ANO3: variants seen among roughly 807,000 people sequenced by gnomAD.
ANO3 encodes anoctamin-3.
ANO3 carries 99 observed loss-of-function variants against 144.8 expected under a neutral mutation model. That is an observed-to-expected ratio of 0.68 (90% CI 0.58 to 0.81). The LOEUF (loss-of-function observed/expected upper bound fraction) is 0.81, where lower values mean the gene tolerates loss of function less well. ANO3 is among the 30% of genes least tolerant of loss of function. ANO3 has a pLI of 0.00. For synonymous variants in ANO3, 414 were observed against 392.6 expected, an observed-to-expected ratio of 1.05 and a Z score of -0.64; for missense variants, 905 against 1,202.2, an observed-to-expected ratio of 0.75 and a Z score of 3.66.
At chr11:26,591,771 G>A (rs569571642) in intron 14 of ANO3, among the ~76,000 whole-genome samples, 6 of 152,260 alleles carry the variant, frequency 3.9e-5, no homozygotes, top group Non-Finnish European at 5.9e-5. Flanking sequence ...CATGGTTGTC[G>A]CTTGAAGAGC....
At chr11:26,456,925 G>C (rs1013683207) in intron 3 of ANO3, among the ~76,000 whole-genome samples, 19 of 149,784 alleles carry the variant, frequency 1.3e-4, no homozygotes, top group Non-Finnish European at 2.5e-4. Context: ...GTCCTTTGTA[G>C]GGACATGGAT....
intron 2 of ANO3, among the ~76,000 whole-genome samples, chr11:26,442,581 A>G (rs1304768456): frequency 6.6e-6 from 1 of 152,212 alleles, no homozygotes; most frequent in Non-Finnish European, 1.5e-5. Context: ...CTGGTGTGCA[A>G]GGGCTGAATT....
chr11:26,546,451 T>C (rs190622864), intron 11 of ANO3, among the ~76,000 whole-genome samples: 1 of 152,092 alleles, frequency 6.6e-6, no homozygotes, highest in East Asian at 1.9e-4. Context: ...CAAGAGAATC[T>C]TCTTCTTATC....
At position 26,396,124 on chromosome 11, in the gene ANO3, C is replaced by T. The variant is rs373836257; in HGVS notation, c.47-45794C>T. ...AAAAACAACCCCCTCAAAAAGTAGGCGAAGGATATGAACAGACACTTCTCA... is the reference window on the plus strand; with the variant it reads ...AAAAACAACCCCCTCAAAAAGTAGGTGAAGGATATGAACAGACACTTCTCA... On this transcript the variant is annotated intron_variant, in intron 1 of 26. Transcript: ENST00000256737. 3.9e-5 allele frequency among the ~76,000 whole-genome samples: 6 copies of T among 152,132 alleles called. No homozygotes were observed. In the East Asian group the frequency reaches 5.8e-4, roughly 15 times the overall value.
chr11:26,479,403 G>A (rs1860115110), intron 4 of ANO3, among the ~76,000 whole-genome samples: 1 of 152,108 alleles, frequency 6.6e-6, no homozygotes, highest in African/African-American at 2.4e-5. Context: ...CCTGAAACTG[G>A]GTAACTTATA....
At chr11:26,625,450 G>A (rs1852552988) in intron 18 of ANO3, among the ~76,000 whole-genome samples, 1 of 152,042 alleles carries the variant, frequency 6.6e-6, no homozygotes, top group African/African-American at 2.4e-5. Flanking sequence ...CTTCCAAGGT[G>A]GATATATCAG....
At chr11:26,449,158 T>G (rs796882976) in intron 3 of ANO3, among the ~76,000 whole-genome samples, 7 of 152,278 alleles carry the variant, frequency 4.6e-5, no homozygotes, top group African/African-American at 1.7e-4. Flanking sequence ...AACCATCTTG[T>G]GTTCCTTGTT....
chr11:26,458,048 C>A (rs1019285970), intron 3 of ANO3, among the ~76,000 whole-genome samples: 29 of 152,052 alleles, frequency 1.9e-4, no homozygotes, highest in African/African-American at 7.0e-4. Flanking sequence ...AGAAAGTCAT[C>A]TTAAAAATAG....
At chr11:26,430,399 CTT>C (rs1000772194) in intron 1 of ANO3, among the ~76,000 whole-genome samples, 2 of 152,038 alleles carry the variant, frequency 1.3e-5, no homozygotes, top group Non-Finnish European at 2.9e-5. Flanking sequence ...CTAAACAACT[CTT>C]ATTTGAAAAA....
At chr11:26,358,452 A>C (rs1160653934) in intron 1 of ANO3, among the ~76,000 whole-genome samples, 1 of 152,140 alleles carries the variant, frequency 6.6e-6, no homozygotes, top group African/African-American at 2.4e-5. Flanking sequence ...TGACAGGCAT[A>C]AGCCACCGCG....
intron 1 of ANO3, among the ~76,000 whole-genome samples, chr11:26,255,991 G>T (rs1015533620): frequency 6.6e-6 from 1 of 152,012 alleles, no homozygotes; most frequent in Non-Finnish European, 1.5e-5. Flanking sequence ...TTTATTGGAT[G>T]GTAAATTATA....
chr11:26,366,578 GT>G (rs1422931121), intron 1 of ANO3, among the ~76,000 whole-genome samples: 1 of 152,106 alleles, frequency 6.6e-6, no homozygotes, highest in Non-Finnish European at 1.5e-5. Context: ...GGTTGAACTA[GT>G]TTACAGTCCC....
At chr11:26,245,000 TG>T (rs1852752075) in intron 1 of ANO3, among the ~76,000 whole-genome samples, 2 of 137,954 alleles carry the variant, frequency 1.4e-5, no homozygotes, top group Non-Finnish European at 3.2e-5. Flanking sequence ...TGTGTGTGTG[TG>T]TGTGTGTGTG....
chr11:26,278,465 G>T (rs1385002223), intron 1 of ANO3, among the ~76,000 whole-genome samples: 2 of 152,050 alleles, frequency 1.3e-5, no homozygotes, highest in Non-Finnish European at 2.9e-5. Context: ...TTAAGACTGG[G>T]TTTTTTAAAT....
chr11:26,662,850 ACT>A lies in ANO3; in HGVS notation c.*2409_*2410del, dbSNP rs1246733834. The A allele has an allele frequency of 6.6e-6, 1 of 152,308 alleles. No individual in the cohort carries two copies. Among genetic ancestry groups the A allele is most frequent in the Admixed American group, 6.6e-5 (1 of 15,196 alleles). 9.4% of individuals were successfully genotyped at this position (152,308 alleles called of 1,614,324 possible). On this transcript the variant is annotated 3_prime_UTR_variant, in exon 27 of 27. Coordinates refer to ENST00000256737, the MANE Select transcript of ANO3 (RefSeq NM_031418.4). ...CCTTGCAGTGTGTTAGTTTTAGATC[ACT>A]CTGTTTTAGTTGAGAGAAATGTTTT...
chr11:26,206,366 G>A (rs1851794732), intron 1 of ANO3, among the ~76,000 whole-genome samples: 1 of 152,132 alleles, frequency 6.6e-6, no homozygotes, highest in Non-Finnish European at 1.5e-5. Context: ...AATCTGCCAT[G>A]TGTAAATAAA....
intron 18 of ANO3, among the ~76,000 whole-genome samples, chr11:26,629,569 G>A (rs11029655): frequency 0.17 from 25,616 of 152,068 alleles, 2,472 homozygotes; most frequent in African/African-American, 0.27. Flanking sequence ...AACGTGATAG[G>A]GAGACAGACC....
chr11:26,232,296 A>T (rs1852417606), intron 1 of ANO3, among the ~76,000 whole-genome samples: 1 of 152,184 alleles, frequency 6.6e-6, no homozygotes, highest in Non-Finnish European at 1.5e-5. Flanking sequence ...GAACAGCAAG[A>T]CGTGCTCAGG....
chr11:26,552,901 G>A (rs3105884), intron 12 of ANO3, among the ~76,000 whole-genome samples: 100,286 of 150,630 alleles, frequency 0.67, 33,375 homozygotes, highest in East Asian at 0.83. Flanking sequence ...CCAAGCCTGC[G>A]AGTTTGGCTA....
Sources: gnomAD v4.1 joint callset for allele counts (sites outside exome capture counted in the v4.1 genomes callset) on GRCh38, gnomAD v4.1.1 for gene constraint, MANE v1.5 for transcripts, NCBI Gene and HGNC (gene_info 2026-07-23, HGNC 2026-07-21) for gene names.